Variants in LDLRAD3 observed in about 807,000 individuals in gnomAD.
LDLRAD3 encodes the protein low-density lipoprotein receptor class A domain-containing protein 3.
A neutral mutation model predicts 29.4 loss-of-function variants in LDLRAD3; 20 were observed. That is an observed-to-expected ratio of 0.68 (90% confidence interval 0.48 to 0.99). The LOEUF is 0.99. Among genes scored for constraint, LDLRAD3 ranks in the 50% least tolerant of loss-of-function variants. LDLRAD3 has a pLI of 0.00. For missense variants in LDLRAD3, 420 were observed against 454.3 expected (o/e 0.92, Z 0.69); for synonymous variants, 157 against 192.7 (o/e 0.81, Z 1.53).
intron 1 of LDLRAD3, among the ~76,000 whole-genome samples, chr11:35,999,178 G>T (rs1284214632): frequency 6.6e-6 from 1 of 152,216 alleles, no homozygotes; most frequent in African/African-American, 2.4e-5. Context: ...GAATGTGTGT[G>T]TTCATGGGGC....
chr11:36,100,249 C>T (rs1167539465), intron 4 of LDLRAD3, among the ~76,000 whole-genome samples: 1 of 152,142 alleles, frequency 6.6e-6, no homozygotes, highest in Non-Finnish European at 1.5e-5. Flanking sequence ...TGCCATTTGC[C>T]TAGAAATTTC....
intron 2 of LDLRAD3, among the ~76,000 whole-genome samples, chr11:36,038,971 C>CTTTCT (rs763764209): frequency 2.0e-5 from 2 of 102,454 alleles, no homozygotes. Context: ...AAATTTCTTT[C>CTTTCT]TTTTTTTTTT....
At chr11:36,181,447 C>T (rs1363439455) in intron 4 of LDLRAD3, among the ~76,000 whole-genome samples, 2 of 152,068 alleles carry the variant, frequency 1.3e-5, no homozygotes. Flanking sequence ...CCACATTTTG[C>T]AGATGAGGAA....
intron 4 of LDLRAD3, among the ~76,000 whole-genome samples, chr11:36,147,352 T>C (rs1232090084): frequency 6.6e-6 from 1 of 151,580 alleles, no homozygotes; most frequent in Non-Finnish European, 1.5e-5. Flanking sequence ...TCTCCTGACT[T>C]TGTGATCCAC....
chr11:36,100,796 C>T (rs146596982), intron 4 of LDLRAD3, among the ~76,000 whole-genome samples: 118 of 152,262 alleles, frequency 7.7e-4, no homozygotes, highest in Non-Finnish European at 1.3e-3. Flanking sequence ...TGCCCTAAGA[C>T]GTTCAGTGAA....
At chr11:35,973,507 G>C in intron 1 of LDLRAD3, among the ~76,000 whole-genome samples, 1 of 152,204 alleles carries the variant, frequency 6.6e-6, no homozygotes, top group Non-Finnish European at 1.5e-5. Context: ...TCCCAGGCGG[G>C]AGTGCAGTGG....
chr11:36,122,079 A>C (rs1853767492), intron 4 of LDLRAD3, among the ~76,000 whole-genome samples: 1 of 152,094 alleles, frequency 6.6e-6, no homozygotes, highest in African/African-American at 2.4e-5. Flanking sequence ...CAGGATTCGA[A>C]CCCACACTCT....
At chr11:36,191,576 C>CTCTATATATA (rs377747518) in intron 4 of LDLRAD3, among the ~76,000 whole-genome samples, 33 of 53,414 alleles carry the variant, frequency 6.2e-4, no homozygotes, top group African/African-American at 1.3e-3. Context: ...CTCTCTCTCT[C>CTCTATATATA]TATATATATA....
chr11:36,001,964 A>G lies in LDLRAD3; in HGVS notation c.47-34139A>G, dbSNP rs183775665. Reference sequence around the variant, plus strand: ...TTTGTCGTTTATGTTGTTGAAAACAATAGGCTTTTAGGTTACTTGAGACCC... The same window carrying G: ...TTTGTCGTTTATGTTGTTGAAAACAGTAGGCTTTTAGGTTACTTGAGACCC... On this transcript the variant is annotated intron_variant, in intron 1 of 5. Coordinates refer to ENST00000315571, the MANE Select transcript of LDLRAD3 (RefSeq NM_174902.4). 8.5e-5 allele frequency among the ~76,000 whole-genome samples: 13 copies of G among 152,326 alleles called. 1 individual carries two copies. The highest frequency in any genetic ancestry group is 8.5e-4 in the Admixed American group (13 of 15,304).
chr11:36,166,648 T>C (rs966769689), intron 4 of LDLRAD3, among the ~76,000 whole-genome samples: 1 of 152,238 alleles, frequency 6.6e-6, no homozygotes, highest in African/African-American at 2.4e-5. Flanking sequence ...CCCTTTACTT[T>C]AGAGCTATCT....
At chr11:35,975,571 C>T (rs1047756354) in intron 1 of LDLRAD3, among the ~76,000 whole-genome samples, 1 of 152,164 alleles carries the variant, frequency 6.6e-6, no homozygotes, top group Non-Finnish European at 1.5e-5. Context: ...TCCCAAAAGT[C>T]ATTATAGATT....
At chr11:35,982,508 C>T (rs928173186) in intron 1 of LDLRAD3, among the ~76,000 whole-genome samples, 6 of 152,276 alleles carry the variant, frequency 3.9e-5, no homozygotes, top group Middle Eastern at 3.4e-3. Flanking sequence ...GTTAGGACTC[C>T]GGCATACTGT....
At chr11:36,098,719 GC>G (rs1401154210) in intron 4 of LDLRAD3, among the ~76,000 whole-genome samples, 2 of 152,132 alleles carry the variant, frequency 1.3e-5, no homozygotes, top group Non-Finnish European at 2.9e-5. Context: ...ACTGTAATAT[GC>G]CCCAACTGTG....
chr11:36,104,242 G>T (rs1853493575), intron 4 of LDLRAD3, among the ~76,000 whole-genome samples: 1 of 152,160 alleles, frequency 6.6e-6, no homozygotes, highest in Non-Finnish European at 1.5e-5. Context: ...CCTGCCAATA[G>T]CCACATGAGT....
At chr11:36,011,206 G>A (rs1245701412) in intron 1 of LDLRAD3, among the ~76,000 whole-genome samples, 1 of 152,032 alleles carries the variant, frequency 6.6e-6, no homozygotes, top group African/African-American at 2.4e-5. Flanking sequence ...TAGCTCTTTA[G>A]GTGCACACTT....
At chr11:36,068,984 A>G (rs1355966442) in intron 2 of LDLRAD3, among the ~76,000 whole-genome samples, 3 of 152,166 alleles carry the variant, frequency 2.0e-5, no homozygotes, top group Admixed American at 6.5e-5. Flanking sequence ...TTTATATTCC[A>G]GTTAGCGTAT....
chr11:36,109,716 G>T (rs550356541), intron 4 of LDLRAD3, among the ~76,000 whole-genome samples: 69 of 151,542 alleles, frequency 4.6e-4, no homozygotes, highest in South Asian at 1.9e-3. Context: ...GCTAATTTTA[G>T]TTTAGTTTTC....
At chr11:36,010,335 T>TTAAG (rs1342199268) in intron 1 of LDLRAD3, 10 of 153,910 alleles carry the variant, frequency 6.5e-5, no homozygotes, top group African/African-American at 2.4e-4. Flanking sequence ...TTTATTTACT[T>TTAAG]TAAGTTTGCC....
intron 4 of LDLRAD3, among the ~76,000 whole-genome samples, chr11:36,118,621 C>T (rs921245994): frequency 1.6e-4 from 24 of 152,070 alleles, no homozygotes; most frequent in Admixed American, 6.5e-5. Context: ...CTGAGCACCA[C>T]TACAGAAGGT....
Sources: gnomAD v4.1 joint callset for allele counts (sites outside exome capture counted in the v4.1 genomes callset) on GRCh38, gnomAD v4.1.1 for gene constraint, MANE v1.5 for transcripts, NCBI Gene and HGNC (gene_info 2026-07-23, HGNC 2026-07-21) for gene names.